Variants in MBP observed in about 807,000 individuals in gnomAD.
MBP encodes the protein myelin basic protein.
In MBP, 16 loss-of-function variants were observed where a neutral mutation model predicts 35.8. The observed-to-expected ratio is 0.45, with a 90% CI of 0.30 to 0.68. The LOEUF is 0.68. MBP is among the 30% of genes least tolerant of loss of function. The pLI, the probability that MBP is intolerant of heterozygous loss-of-function variation, is 0.08. For synonymous variants in MBP, 143 were observed against 159.6 expected (o/e 0.90, Z 0.78); for missense variants, 380 against 404.7 (o/e 0.94, Z 0.52).
intron 1 of MBP, chr18:77,110,318 G>A (rs558564762): frequency 6.6e-6 from 1 of 152,336 alleles, no homozygotes; most frequent in East Asian, 1.9e-4. Context: ...GCGGTGTGGG[G>A]ACCGGCCATC....
intron 2 of MBP, among the ~76,000 whole-genome samples, chr18:77,094,812 C>G (rs1975693687): frequency 1.3e-5 from 2 of 152,160 alleles, no homozygotes; most frequent in South Asian, 4.1e-4. Flanking sequence ...GCAACTGTGG[C>G]CACTTCCATC....
intron 7 of MBP, chr18:76,985,864 G>C: frequency 4.0e-6 from 4 of 988,984 alleles, no homozygotes; most frequent in Non-Finnish European, 4.8e-6. Context: ...GTCATTTATG[G>C]AAGAGCAGGC....
chr18:77,005,296 C>T (rs922982617), intron 4 of MBP: 2 of 152,386 alleles, frequency 1.3e-5, no homozygotes, highest in African/African-American at 2.4e-5. Context: ...GTGCTTTCCG[C>T]CGGGTGGCTG....
chr18:77,096,775 C>T (rs1299002765), intron 2 of MBP, among the ~76,000 whole-genome samples: 4 of 131,918 alleles, frequency 3.0e-5, no homozygotes, highest in Admixed American at 2.3e-4. Context: ...CTTGATTTCA[C>T]CCATTTTGGG....
chr18:76,991,850 A>T (rs571332547), intron 4 of MBP, among the ~76,000 whole-genome samples: 193 of 152,198 alleles, frequency 1.3e-3, no homozygotes, highest in Middle Eastern at 6.8e-3. Flanking sequence ...GATTGGGAGG[A>T]CCCCTTGTTG....
At chr18:76,985,791 A>G (rs1969523025) in intron 7 of MBP, 1 of 991,008 alleles carries the variant, frequency 1.0e-6, no homozygotes, top group Non-Finnish European at 1.2e-6. Context: ...CGAGAACACA[A>G]GCCGTTCATG....
chr18:77,045,875 G>A (rs1973230020), intron 3 of MBP, among the ~76,000 whole-genome samples: 1 of 152,178 alleles, frequency 6.6e-6, no homozygotes, highest in Non-Finnish European at 1.5e-5. Context: ...CTTTTGTCCT[G>A]CGGGAGTGTT....
At chr18:77,122,563 G>C (rs959080144) in intron 1 of MBP, among the ~76,000 whole-genome samples, 1 of 152,200 alleles carries the variant, frequency 6.6e-6, no homozygotes, top group South Asian at 2.1e-4. Context: ...TTTTTTATGA[G>C]ACAGAATCTT....
chr18:77,074,269 T>TGGGTTCAGTGAGCCCGGGTCTCCCCAAGG (rs1974566486), intron 2 of MBP, among the ~76,000 whole-genome samples: 1 of 150,998 alleles, frequency 6.6e-6, no homozygotes, highest in Non-Finnish European at 1.5e-5. Context: ...CAGAAGACAA[T>TGGGTTCAGTGAGCCCGGGTCTCCCCAAGG]GGGTTCAGTG....
At chr18:76,994,719 T>C (rs1336159003) in intron 4 of MBP, among the ~76,000 whole-genome samples, 1 of 152,234 alleles carries the variant, frequency 6.6e-6, no homozygotes, top group African/African-American at 2.4e-5. Context: ...GAAATGTCTA[T>C]GAAAAAGGCA....
chr18:77,086,333 G>A (rs1226229737), intron 2 of MBP, among the ~76,000 whole-genome samples: 1 of 152,194 alleles, frequency 6.6e-6, no homozygotes, highest in Non-Finnish European at 1.5e-5. Context: ...ATACAAGTGC[G>A]AATAGATGCC....
intron 3 of MBP, among the ~76,000 whole-genome samples, chr18:77,057,794 G>T (rs1467661689): frequency 6.6e-6 from 1 of 151,836 alleles, no homozygotes; most frequent in Non-Finnish European, 1.5e-5. Flanking sequence ...CGAAAATTCT[G>T]AAGGGGGACA....
chr18:77,038,084 G>T (rs565602938), intron 3 of MBP, among the ~76,000 whole-genome samples: 13 of 152,324 alleles, frequency 8.5e-5, no homozygotes, highest in Middle Eastern at 3.4e-3. Flanking sequence ...TTAACAGCCA[G>T]CGACTACTAA....
At chr18:77,064,420 G>A (rs1240409644) in intron 3 of MBP, among the ~76,000 whole-genome samples, 3 of 152,178 alleles carry the variant, frequency 2.0e-5, no homozygotes, top group Admixed American at 6.5e-5. Context: ...CCTATAAAGA[G>A]CATAATAAAG....
At chr18:77,021,753 G>A (rs1971997674) in intron 3 of MBP, among the ~76,000 whole-genome samples, 2 of 152,146 alleles carry the variant, frequency 1.3e-5, no homozygotes, top group South Asian at 4.1e-4. Context: ...AAAGTGCTTG[G>A]ATTACAGGTG....
intron 1 of MBP, among the ~76,000 whole-genome samples, chr18:77,129,565 TCTC>T (rs753104958): frequency 7.2e-5 from 11 of 152,204 alleles, no homozygotes; most frequent in Non-Finnish European, 1.3e-4. Flanking sequence ...AGATTTAAAA[TCTC>T]CTGTAGAGAC....
chr18:77,013,550 A>G, intron 4 of MBP: 5 of 985,482 alleles, frequency 5.1e-6, no homozygotes, highest in Non-Finnish European at 6.0e-6. Context: ...AGGACTGATT[A>G]TATCCCACGG....
At chr18:77,121,148 T>C (rs1039346706) in intron 1 of MBP, among the ~76,000 whole-genome samples, 4 of 151,988 alleles carry the variant, frequency 2.6e-5, no homozygotes, top group South Asian at 2.1e-4. Context: ...AAAATAAAAA[T>C]ACAAAAATTA....
chr18:77,019,852 G>A (rs115126834), intron 3 of MBP, among the ~76,000 whole-genome samples: 2,531 of 152,288 alleles, frequency 0.017, 67 homozygotes, highest in East Asian at 0.11. Context: ...TCCCGGTGGC[G>A]GAAGCAGCAG....
Sources: allele counts gnomAD v4.1 joint callset (sites outside exome capture counted in the v4.1 genomes callset), GRCh38; gene constraint gnomAD v4.1.1; transcripts MANE v1.5; gene names NCBI Gene and HGNC (gene_info 2026-07-23, HGNC 2026-07-21).